Variants in TP63 observed in about 807,000 individuals in gnomAD.
The protein encoded by TP63 is tumor protein p63, also known as tumor protein 63.
TP63 carries 17 observed loss-of-function variants against 82.8 expected under a neutral mutation model. The ratio of observed to expected loss-of-function variants is 0.21; its 90% CI spans 0.14 to 0.31. The LOEUF (loss-of-function observed/expected upper bound fraction) is 0.31. TP63 is among the 10% of genes least tolerant of loss of function. The pLI, the probability that TP63 is intolerant of heterozygous loss-of-function variation, is 1.00. For missense variants in TP63, 648 were observed against 895.3 expected, an observed-to-expected ratio of 0.72 and a Z score of 3.52; for synonymous variants, 330 against 321.7, an observed-to-expected ratio of 1.03 and a Z score of -0.28.
intron 3 of TP63, among the ~76,000 whole-genome samples, chr3:189,777,845 CTTTTTTTTTTTTTTTT>C (rs55731981): frequency 5.3e-5 from 2 of 37,752 alleles, no homozygotes; most frequent in African/African-American, 2.4e-4. Context: ...TCTTCTTCTT[CTTTTTTTTTTTTTTTT>C]TTTTTTTTTT....
intron 4 of TP63, among the ~76,000 whole-genome samples, chr3:189,837,715 A>G (rs879748571): frequency 7.2e-5 from 11 of 152,104 alleles, no homozygotes; most frequent in South Asian, 2.1e-4. Flanking sequence ...CAGTGGTGCA[A>G]TCATGGCTCA....
intron 4 of TP63, among the ~76,000 whole-genome samples, chr3:189,857,725 C>T (rs1039383532): frequency 1.3e-5 from 2 of 152,068 alleles, no homozygotes; most frequent in African/African-American, 4.8e-5. Flanking sequence ...GGATATTTGT[C>T]AAAATAGGAT....
rs572301475 is a variant in TP63 at position 189,884,993 on chromosome 3, A to G, written c.1350-1401A>G. 2.2e-3 allele frequency among the ~76,000 whole-genome samples: 336 copies of G among 152,338 alleles called. 1 individual carries two copies. Among genetic ancestry groups the G allele is most frequent in the Middle Eastern group, 0.017 (5 of 294 alleles). On this transcript the variant is annotated intron_variant, in intron 10 of 13. Transcript: ENST00000264731. ...TGATTTTTTTCAAATATTATGCCAT[A>G]TAGGCTTGGAACCTGGGTCCATTTA...
intron 4 of TP63, among the ~76,000 whole-genome samples, chr3:189,828,268 G>C (rs1711747036): frequency 6.6e-6 from 1 of 151,662 alleles, no homozygotes; most frequent in South Asian, 2.1e-4. Context: ...AAAAAAGAGA[G>C]AGAGATACGG....
chr3:189,663,287 A>T (rs1318729597), intron 1 of TP63, among the ~76,000 whole-genome samples: 1 of 152,086 alleles, frequency 6.6e-6, no homozygotes, highest in Non-Finnish European at 1.5e-5. Flanking sequence ...CTTCAGAGTT[A>T]TCAAGAACCA....
intron 10 of TP63, chr3:189,881,581 G>A: frequency 3.2e-6 from 3 of 925,290 alleles, no homozygotes; most frequent in Non-Finnish European, 3.9e-6. Context: ...GAAGTAGCAT[G>A]TGTAGGTCTA....
chr3:189,684,458 G>C lies in TP63; in HGVS notation c.62+52881G>C, dbSNP rs545227935. On this transcript the variant is annotated intron_variant, in intron 1 of 13. Coordinates refer to ENST00000264731, the MANE Select transcript of TP63 (RefSeq NM_003722.5). The stretch of plus-strand genomic sequence containing the variant: ...TTCAGAACAGGAGAATTGCATGTAA[G>C]TATGCGTAAAAGTATGAATAAGACT... Among the ~76,000 whole-genome samples the C allele has an allele frequency of 2.6e-5, 4 of 152,254 alleles. No individual in the cohort carries two copies. In the South Asian group the frequency reaches 6.2e-4, roughly 24 times the overall value.
At chr3:189,843,245 A>C (rs1003215684) in intron 4 of TP63, among the ~76,000 whole-genome samples, 4 of 152,140 alleles carry the variant, frequency 2.6e-5, no homozygotes, top group Non-Finnish European at 5.9e-5. Flanking sequence ...GCTTTGTGGC[A>C]CGGTCTAAGT....
intron 1 of TP63, among the ~76,000 whole-genome samples, chr3:189,657,106 G>T (rs1401491695): frequency 1.3e-5 from 2 of 151,816 alleles, no homozygotes; most frequent in Non-Finnish European, 2.9e-5. Context: ...CTGTATGATT[G>T]TGATTTTGTG....
chr3:189,705,269 T>C (rs1718112973), intron 1 of TP63, among the ~76,000 whole-genome samples: 1 of 152,186 alleles, frequency 6.6e-6, no homozygotes, highest in Non-Finnish European at 1.5e-5. Flanking sequence ...ATTCTGAGCC[T>C]CAGTTTCCTC....
Position 189,858,361 on chromosome 3 carries a change from G to C in TP63, c.580-5871G>C, listed in dbSNP as rs528160021. ...GCGGAGCCTGCAGTGAGCCGAGATT[G>C]CGCCACTGCACTCCAGCCTGGGCGA... On this transcript the variant is annotated intron_variant, in intron 4 of 13. Coordinates refer to ENST00000264731, the MANE Select transcript of TP63 (RefSeq NM_003722.5). Among the ~76,000 whole-genome samples, 14 of 13,246 alleles carry C rather than the reference G, an allele frequency of 1.1e-3. 4 individuals carry two copies. The South Asian group carries it at 0.011, about 10-fold the overall frequency. 8.7% of individuals were successfully genotyped at this position (13,246 alleles called of 152,430 possible). A position where few individuals can be genotyped will look rare whatever the true frequency, so the allele number is the denominator to read the frequency against.
At chr3:189,878,608 T>C (rs1174335481) in intron 10 of TP63, among the ~76,000 whole-genome samples, 3 of 126,644 alleles carry the variant, frequency 2.4e-5, no homozygotes, top group Middle Eastern at 4.1e-3. Flanking sequence ...TTTTTTTTTT[T>C]AGTAGAGACG....
chr3:189,656,529 G>A (rs1713378838), intron 1 of TP63, among the ~76,000 whole-genome samples: 1 of 152,114 alleles, frequency 6.6e-6, no homozygotes, highest in African/African-American at 2.4e-5. Flanking sequence ...CACATTAAAT[G>A]TGAATGGTTT....
chr3:189,869,274 A>G (rs1354685996), intron 8 of TP63, 50 bp from the exon 9 acceptor site: 1 of 1,365,716 alleles, frequency 7.3e-7, no homozygotes, highest in African/African-American at 1.4e-5. Context: ...AATATGCATT[A>G]GTGCTTTAGA....
chr3:189,788,567 TG>T (rs1724804452), intron 3 of TP63, among the ~76,000 whole-genome samples: 1 of 151,650 alleles, frequency 6.6e-6, no homozygotes, highest in African/African-American at 2.4e-5. Flanking sequence ...TAGAGGAAAT[TG>T]GGTCCCTGAG....
intron 4 of TP63, among the ~76,000 whole-genome samples, chr3:189,839,103 G>A (rs976301094): frequency 1.3e-5 from 2 of 150,386 alleles, no homozygotes; most frequent in African/African-American, 4.9e-5. Context: ...CAATGAGCAT[G>A]GACTCTGTTT....
At position 189,883,898 on chromosome 3, in the gene TP63, T is replaced by C. The variant is rs538294678; in HGVS notation, c.1350-2496T>C. 2.0e-5 allele frequency among the ~76,000 whole-genome samples: 3 copies of C among 150,778 alleles called. No individual in the cohort carries two copies. The South Asian group carries it at 6.3e-4, about 32-fold the overall frequency. ...ATAAGCTAAAGAAAGCAGGAGGTTG[T>C]AACAGGAATTGTAAGAAGGAATTTA... On this transcript the variant is annotated intron_variant, in intron 10 of 13. Transcript: ENST00000264731.
chr3:189,719,689 C>T (rs369415103), intron 1 of TP63, among the ~76,000 whole-genome samples: 17 of 152,282 alleles, frequency 1.1e-4, no homozygotes, highest in African/African-American at 3.4e-4. Flanking sequence ...GGCTTAAACA[C>T]GCTGCAAAAA....
intron 3 of TP63, among the ~76,000 whole-genome samples, chr3:189,767,185 T>C (rs935484816): frequency 6.6e-6 from 1 of 152,178 alleles, no homozygotes. Flanking sequence ...AAATTTATCT[T>C]TATTATTTAT....
Sources: allele counts gnomAD v4.1 joint callset (sites outside exome capture counted in the v4.1 genomes callset), GRCh38; gene constraint gnomAD v4.1.1; transcripts MANE v1.5; gene names NCBI Gene and HGNC (gene_info 2026-07-23, HGNC 2026-07-21).